The following FNTB variants were observed in gnomAD, a reference collection of about 807,000 sequenced individuals.
FNTB encodes farnesyltransferase, CAAX box, subunit beta.
Under a neutral mutation model 59.4 loss-of-function variants are expected in FNTB, and 27 were observed. That is an observed-to-expected ratio of 0.45 (90% CI 0.34 to 0.63). The LOEUF (loss-of-function observed/expected upper bound fraction) is 0.63. FNTB is among the 20% of genes least tolerant of loss of function. The pLI is 0.02. For missense variants in FNTB, 449 were observed against 559.6 expected (o/e 0.80, Z 1.99); for synonymous variants, 230 against 220.7 (o/e 1.04, Z -0.37).
chr14:65,009,450 G>T lies in FNTB; in HGVS notation c.210-2867G>T, dbSNP rs2061651431. 1.3e-5 allele frequency among the ~76,000 whole-genome samples: 2 copies of T among 152,084 alleles called. No individual in the cohort carries two copies. Among genetic ancestry groups the T allele is most frequent in the Admixed American group, 6.6e-5 (1 of 15,258 alleles). On this transcript the variant is annotated intron_variant, in intron 2 of 11. Transcript: ENST00000246166. The surrounding 1 kb of genome is among the most constrained non-coding windows in gnomAD (Gnocchi z 4.2). The stretch of plus-strand genomic sequence containing the variant: ...AGCTCTCCCACCATCTTGACTCCTA[G>T]TTCCTGAGAAAATCGAGGCTGACCC...
At position 65,049,417 on chromosome 14, in the gene FNTB, A is replaced by G. The variant is rs1244918786; in HGVS notation, c.956-3821A>G. ...CAAAATGAGATTAGAATGGCGACCTATAATTTCAGGAAGAGGTAGAAAGGA... is the reference window on the plus strand; with the variant it reads ...CAAAATGAGATTAGAATGGCGACCTGTAATTTCAGGAAGAGGTAGAAAGGA... On this transcript the variant is annotated intron_variant, in intron 9 of 11. Transcript: ENST00000246166. Among the ~76,000 whole-genome samples the G allele has an allele frequency of 1.6e-4, 24 of 152,198 alleles. 1 individual carries two copies. The highest frequency in any genetic ancestry group is 2.9e-5 in the Non-Finnish European group (2 of 68,032).
rs143096842 is a variant in FNTB, at chr14:65,049,667, C to A, written c.956-3571C>A. ...TTTTCTTTTCAGACTCTAATTTTAG[C>A]CACAGGTTATCATTTACCTTATAAT... On this transcript the variant is annotated intron_variant, in intron 9 of 11. Transcript: ENST00000246166. Among the ~76,000 whole-genome samples, 235 of 152,162 alleles carry A rather than the reference C, an allele frequency of 1.5e-3. 1 individual carries two copies. The highest frequency in any genetic ancestry group is 3.7e-3 in the African/African-American group (155 of 41,518).
In FNTB at chr14:65,012,234, C is replaced by CCGTGTGTGTGTACGTGCACATA; in HGVS notation, c.210-75_210-54dup. On this transcript the variant is annotated intron_variant, in intron 2 of 11. Transcript: ENST00000246166. The surrounding 1 kb of genome is among the most constrained non-coding windows in gnomAD (Gnocchi z 5.0). ...GGACGTCCTGAAGCTGAGTGTTTAC[C>CCGTGTGTGTGTACGTGCACATA]CGTGTGTGTGTACGTGCACATACGT... 1 of 1,540,444 alleles carries CCGTGTGTGTGTACGTGCACATA rather than the reference C, an allele frequency of 6.5e-7. No homozygotes were observed. Among genetic ancestry groups the CCGTGTGTGTGTACGTGCACATA allele is most frequent in the Non-Finnish European group, 8.9e-7 (1 of 1,117,326 alleles).
rs2062505794 is a variant in FNTB, at chr14:65,047,296, G to A, written c.955+2853G>A. 6.6e-6 allele frequency among the ~76,000 whole-genome samples: 1 copy of A among 152,234 alleles called. No homozygotes were observed. The highest frequency in any genetic ancestry group is 1.5e-5 in the Non-Finnish European group (1 of 68,050). On this transcript the variant is annotated intron_variant, in intron 9 of 11. Transcript: ENST00000246166. The surrounding 1 kb of genome is among the most constrained non-coding windows in gnomAD (Gnocchi z 5.2). ...AGGAAACAAACTACAGTGAGGTTAA[G>A]TGATTGCTTTATAATACCTGATTGG...
At chr14:65,006,217 A>G in intron 2 of FNTB, 1 of 1,612,604 alleles carries the variant, frequency 6.2e-7, no homozygotes, top group Non-Finnish European at 8.5e-7. Flanking sequence ...GCCATGGCAG[A>G]AAACAGTTGG....
rs754558517 is a variant in FNTB, at chr14:64,987,108, A to AGGACTGGGCGAGGCGCCC, written c.144+13_144+30dup. 2.4e-5 allele frequency: 38 copies of AGGACTGGGCGAGGCGCCC among 1,613,944 alleles called. No homozygotes were observed. In the South Asian group the frequency reaches 2.7e-4, roughly 12 times the overall value. Reference sequence around the variant, plus strand: ...ACGTCCATAGAACAGGTGAGGTGGCAGGACTGGGCGAGGCGCCCGCGCGAT... The same window carrying AGGACTGGGCGAGGCGCCC: ...ACGTCCATAGAACAGGTGAGGTGGCAGGACTGGGCGAGGCGCCCGGACTGGGCGAGGCGCCCGCGCGAT... On this transcript the variant is annotated intron_variant, in intron 1 of 11. Transcript: ENST00000246166.
At chr14:65,005,063 T>C (rs1182927602) in intron 2 of FNTB, among the ~76,000 whole-genome samples, 1 of 152,148 alleles carries the variant, frequency 6.6e-6, no homozygotes, top group Non-Finnish European at 1.5e-5. Flanking sequence ...GAAGTTTGAG[T>C]TTCTCCATGC....
chr14:65,026,687 C>G (rs2061988038), intron 4 of FNTB, among the ~76,000 whole-genome samples: 2 of 152,062 alleles, frequency 1.3e-5, no homozygotes, highest in South Asian at 2.1e-4. Flanking sequence ...ATGGTGAAAC[C>G]TTGTCTGTAC....
At chr14:64,996,986 A>G (rs779634011) in intron 1 of FNTB, among the ~76,000 whole-genome samples, 1 of 152,080 alleles carries the variant, frequency 6.6e-6, no homozygotes, top group Non-Finnish European at 1.5e-5. Context: ...AAATTCACAT[A>G]AATTGTCACA....
At chr14:65,019,193 G>T (rs1269780438) in intron 4 of FNTB, among the ~76,000 whole-genome samples, 1 of 150,170 alleles carries the variant, frequency 6.7e-6, no homozygotes, top group African/African-American at 2.5e-5. Flanking sequence ...AAAAGAAAAA[G>T]AAGAACTTTC....
rs763556246 is a variant in FNTB at position 65,032,646 on chromosome 14, C to G, written c.642C>G (p.Thr214=). 6.2e-7 allele frequency: 1 copy of G among 1,613,996 alleles called. No homozygotes were observed. The highest frequency in any genetic ancestry group is 1.1e-5 in the South Asian group (1 of 91,062). The change falls in exon 7 of 12, where the codon ACC becomes ACG. Residue 214 remains threonine (T), a synonymous_variant. Coordinates refer to ENST00000246166, the MANE Select transcript of FNTB (RefSeq NM_002028.4). The surrounding 1 kb of genome is among the most constrained non-coding windows in gnomAD (Gnocchi z 5.0). ...GTGCTGCCTCCGTAGCCTCGCTGAC[C>G]AACATCATCACTCCAGACCTCTTTG... ...AYCAASVASL[T]NIITPDLFEG...
At chr14:65,010,258 T>G (rs149337604) in intron 2 of FNTB, among the ~76,000 whole-genome samples, 2 of 152,344 alleles carry the variant, frequency 1.3e-5, no homozygotes, top group African/African-American at 4.8e-5. Context: ...CTCCAAACCC[T>G]TAGAGATGGG....
chr14:64,998,836 AC>A (rs1229229261), intron 1 of FNTB, among the ~76,000 whole-genome samples: 4 of 152,224 alleles, frequency 2.6e-5, no homozygotes, highest in Non-Finnish European at 4.4e-5. Flanking sequence ...TTTCTGGAGA[AC>A]CTGTTTCTTG....
Position 65,031,998 on chromosome 14 carries a change from G to T in FNTB, c.606-612G>T, listed in dbSNP as rs2062096120. ...ATTTAACGTGTGTGTGTGTGTGTGTGTGTGTGTGTGTGTGTGTGTGTACTG... is the reference window on the plus strand; with the variant it reads ...ATTTAACGTGTGTGTGTGTGTGTGTTTGTGTGTGTGTGTGTGTGTGTACTG... On this transcript the variant is annotated intron_variant, in intron 6 of 11. Coordinates refer to ENST00000246166, the MANE Select transcript of FNTB (RefSeq NM_002028.4). This position sits in a 1 kb window ranked among gnomAD's most constrained non-coding sequence, Gnocchi z 4.6. Among the ~76,000 whole-genome samples, 1 of 151,592 alleles carries T rather than the reference G, an allele frequency of 6.6e-6. No individual in the cohort carries two copies. The highest frequency in any genetic ancestry group is 2.1e-4 in the South Asian group (1 of 4,804).
intron 9 of FNTB, among the ~76,000 whole-genome samples, chr14:65,052,914 C>T (rs1161857618): frequency 6.6e-6 from 1 of 152,162 alleles, no homozygotes; most frequent in East Asian, 1.9e-4. Context: ...CTACCGAGGT[C>T]AGTCTGGGAA....
chr14:65,027,776 T>C lies in FNTB; in HGVS notation c.600T>C (p.Asp200=). The change falls in exon 6 of 12, where the codon GAT becomes GAC. Residue 200 remains aspartate, a synonymous_variant. Transcript: ENST00000246166. The surrounding 1 kb of genome is among the most constrained non-coding windows in gnomAD (Gnocchi z 5.7). ...TCATGCATGTCGGAGGTGAGGTGGA[T>C]GTGAGGTGAGTGGGGTTTTGCACAG... ...SFLMHVGGEV[D]VRSAYCAASV... is the part of the protein sequence containing the mutation. The C allele has an allele frequency of 6.2e-7, 1 of 1,614,092 alleles. No homozygotes were observed. Among genetic ancestry groups the C allele is most frequent in the Non-Finnish European group, 8.5e-7 (1 of 1,180,016 alleles).
At chr14:65,033,624 A>G (rs1733876525) in intron 7 of FNTB, among the ~76,000 whole-genome samples, 1 of 152,218 alleles carries the variant, frequency 6.6e-6, no homozygotes, top group Non-Finnish European at 1.5e-5. Context: ...TTGGGAGGCC[A>G]GGGCAAGCGG....
intron 9 of FNTB, 127 bp from the exon 10 acceptor site, chr14:65,053,111 C>G (rs111723799): frequency 4.5e-5 from 29 of 647,934 alleles, no homozygotes; most frequent in African/African-American, 3.6e-4. Context: ...GCAGTTGTAC[C>G]AAGAATGAAT....
intron 9 of FNTB, among the ~76,000 whole-genome samples, chr14:65,051,560 G>A (rs893089582): frequency 8.6e-5 from 13 of 151,454 alleles, no homozygotes; most frequent in African/African-American, 2.9e-4. Context: ...GCAGTGAGCC[G>A]AGATCGTGCC....
Sources: gnomAD v4.1 joint callset for allele counts (sites outside exome capture counted in the v4.1 genomes callset) on GRCh38, gnomAD v4.1.1 for gene constraint, Gnocchi (gnomAD v3.1) non-coding constraint, MANE v1.5 for transcripts, NCBI Gene and HGNC (gene_info 2026-07-23, HGNC 2026-07-21) for gene names.